ERC2: variants seen among roughly 807,000 people sequenced by gnomAD.
The protein encoded by ERC2 is ELKS/RAB6-interacting/CAST family member 2, also known as ERC protein 2.
In ERC2, 42 loss-of-function variants were observed where a neutral mutation model predicts 114.8. The ratio of observed to expected loss-of-function variants is 0.37; its 90% CI spans 0.29 to 0.47. ERC2 has a LOEUF of 0.47. Ranked by LOEUF, ERC2 falls within the 20% of genes least tolerant of loss-of-function variation. The pLI, the probability that ERC2 is intolerant of heterozygous loss-of-function variation, is 0.99. For synonymous variants in ERC2, 454 were observed against 425.5 expected, an observed-to-expected ratio of 1.07 and a Z score of -0.82; for missense variants, 939 against 1,150.7, an observed-to-expected ratio of 0.82 and a Z score of 2.66.
intron 17 of ERC2, among the ~76,000 whole-genome samples, chr3:55,518,016 T>C (rs970591256): frequency 1.3e-5 from 2 of 152,172 alleles, no homozygotes; most frequent in African/African-American, 4.8e-5. Flanking sequence ...GGCTGGATGA[T>C]TCTTTGCTGT....
chr3:56,229,356 A>C (rs1225662242), intron 3 of ERC2, among the ~76,000 whole-genome samples: 2 of 152,204 alleles, frequency 1.3e-5, no homozygotes, highest in Non-Finnish European at 2.9e-5. Flanking sequence ...TAGAGCTATC[A>C]TTCTTAAAGC....
At chr3:56,423,030 T>C (rs1282427166) in intron 2 of ERC2, among the ~76,000 whole-genome samples, 1 of 152,254 alleles carries the variant, frequency 6.6e-6, no homozygotes, top group African/African-American at 2.4e-5. Flanking sequence ...GTCCATTTCC[T>C]TACAAGATTG....
chr3:56,310,658 TTC>T (rs2056483920), intron 2 of ERC2, among the ~76,000 whole-genome samples: 1 of 152,146 alleles, frequency 6.6e-6, no homozygotes. Context: ...CCCTCCCTGC[TTC>T]TCTCTACTTC....
At chr3:56,317,017 T>C (rs912705318) in intron 2 of ERC2, among the ~76,000 whole-genome samples, 2 of 152,206 alleles carry the variant, frequency 1.3e-5, no homozygotes, top group African/African-American at 4.8e-5. Context: ...GGCATGGGGA[T>C]TCAACAACAA....
chr3:55,936,759 G>A (rs892688288), intron 13 of ERC2, among the ~76,000 whole-genome samples: 27 of 152,160 alleles, frequency 1.8e-4, no homozygotes, highest in South Asian at 2.1e-4. Flanking sequence ...ATGGCACAGG[G>A]TGCTATAGGC....
chr3:55,781,654 C>T (rs1426543985), intron 14 of ERC2, among the ~76,000 whole-genome samples: 2 of 151,682 alleles, frequency 1.3e-5, no homozygotes, highest in East Asian at 3.9e-4. Context: ...GGTGGATCAC[C>T]TGAGGTCAGG....
intron 17 of ERC2, among the ~76,000 whole-genome samples, chr3:55,539,411 C>CTTTTTTTTTTTTTTTTTTTTTTTTT (rs1559619170): frequency 8.1e-5 from 4 of 49,092 alleles, no homozygotes; most frequent in Non-Finnish European, 1.3e-4. Context: ...CTCTTTTTTT[C>CTTTTTTTTTTTTTTTTTTTTTTTTT]TTTCTTTTTT....
chr3:55,580,660 A>G (rs901327594), intron 17 of ERC2, among the ~76,000 whole-genome samples: 2 of 152,154 alleles, frequency 1.3e-5, no homozygotes, highest in Non-Finnish European at 2.9e-5. Flanking sequence ...GATTGACTTC[A>G]TATATACACA....
At chr3:56,273,161 G>A (rs1251429670) in intron 3 of ERC2, among the ~76,000 whole-genome samples, 1 of 151,612 alleles carries the variant, frequency 6.6e-6, no homozygotes, top group Non-Finnish European at 1.5e-5. Flanking sequence ...CCTTGGTATT[G>A]TTACCTGTAT....
chr3:55,592,449 G>A (rs1326306002), intron 17 of ERC2, among the ~76,000 whole-genome samples: 1 of 152,072 alleles, frequency 6.6e-6, no homozygotes, highest in Non-Finnish European at 1.5e-5. Context: ...GGATTTGGCT[G>A]ACAATCGATT....
chr3:56,074,034 T>A (rs1285655042), intron 7 of ERC2, among the ~76,000 whole-genome samples: 2 of 152,166 alleles, frequency 1.3e-5, no homozygotes, highest in Non-Finnish European at 2.9e-5. Flanking sequence ...ATTTAGTGGC[T>A]GCATCTCTGC....
chr3:55,817,358 A>C (rs2059941575), intron 14 of ERC2, among the ~76,000 whole-genome samples: 1 of 152,312 alleles, frequency 6.6e-6, no homozygotes, highest in South Asian at 2.1e-4. Context: ...GAGCCTTTCC[A>C]GCAGTGAGGT....
Position 55,950,916 on chromosome 3 carries a change from A to G in ERC2, c.2268-356T>C, listed in dbSNP as rs114057958. Among the ~76,000 whole-genome samples, 359 of 152,346 alleles carry G rather than the reference A, an allele frequency of 2.4e-3. 1 individual carries two copies. The highest frequency in any genetic ancestry group is 4.1e-3 in the Non-Finnish European group (279 of 68,034). The stretch of plus-strand genomic sequence containing the variant: ...GAGAGACAGTGATGTGCATGTGTGG[A>G]CAGGTGGTGGAGTGGAAGGAGATGA... On this transcript the variant is annotated intron_variant, in intron 12 of 17. Coordinates refer to ENST00000288221, the MANE Select transcript of ERC2 (RefSeq NM_015576.3).
intron 3 of ERC2, among the ~76,000 whole-genome samples, chr3:56,213,191 C>T (rs970183948): frequency 4.6e-5 from 7 of 152,072 alleles, no homozygotes; most frequent in Admixed American, 1.3e-4. Context: ...TGCGGTGCAC[C>T]GAGCATGAGC....
chr3:55,769,565 CAG>C (rs2068050544), intron 14 of ERC2, among the ~76,000 whole-genome samples: 2 of 151,982 alleles, frequency 1.3e-5, no homozygotes, highest in African/African-American at 4.8e-5. Flanking sequence ...CTTCAGTTCT[CAG>C]GGGATAAAAA....
chr3:56,248,268 A>T (rs944290308), intron 3 of ERC2, among the ~76,000 whole-genome samples: 11 of 151,966 alleles, frequency 7.2e-5, no homozygotes, highest in African/African-American at 2.4e-4. Flanking sequence ...AATTTAAAAA[A>T]TTTTTTTTAC....
intron 7 of ERC2, among the ~76,000 whole-genome samples, chr3:56,076,482 A>G (rs558862798): frequency 6.6e-6 from 1 of 152,294 alleles, no homozygotes; most frequent in East Asian, 1.9e-4. Flanking sequence ...CATCAGTTAC[A>G]GTTTAAATTC....
chr3:56,336,508 T>C (rs1321174219), intron 2 of ERC2, among the ~76,000 whole-genome samples: 2 of 152,112 alleles, frequency 1.3e-5, no homozygotes, highest in African/African-American at 2.4e-5. Flanking sequence ...AAATCTCCTG[T>C]TGTGGCCAGG....
chr3:56,464,971 T>C lies in ERC2; in HGVS notation c.-141+3277A>G, dbSNP rs553262112. On this transcript the variant is annotated intron_variant, in intron 1 of 17. Coordinates refer to ENST00000288221, the MANE Select transcript of ERC2 (RefSeq NM_015576.3). ...TCAACCTAACCAAAGTCAAAGACTC[T>C]TTAGGTAAATTTGTGGACTGCAATA... 5.9e-5 allele frequency among the ~76,000 whole-genome samples: 9 copies of C among 152,330 alleles called. No individual in the cohort carries two copies. The East Asian group carries it at 1.5e-3, about 26-fold the overall frequency.
Sources: allele counts gnomAD v4.1 joint callset (sites outside exome capture counted in the v4.1 genomes callset), GRCh38; gene constraint gnomAD v4.1.1; transcripts MANE v1.5; gene names NCBI Gene and HGNC (gene_info 2026-07-23, HGNC 2026-07-21).